The following RPS6KA5 variants were observed in gnomAD, a reference collection of about 807,000 sequenced individuals.
RPS6KA5 encodes the protein ribosomal protein S6 kinase alpha-5.
In RPS6KA5, 27 loss-of-function variants were observed where a neutral mutation model predicts 85.5. That is an observed-to-expected ratio of 0.32 (90% CI 0.23 to 0.44). The LOEUF is 0.44. RPS6KA5 is among the 20% of genes least tolerant of loss of function. The pLI, the probability that RPS6KA5 is intolerant of heterozygous loss-of-function variation, is 1.00. For missense variants in RPS6KA5, 811 were observed against 980.9 expected (o/e 0.83, Z 2.31); for synonymous variants, 334 against 348.2 (o/e 0.96, Z 0.46).
chr14:90,993,531 T>C (rs1000820745), intron 2 of RPS6KA5, among the ~76,000 whole-genome samples: 23 of 152,224 alleles, frequency 1.5e-4, no homozygotes, highest in Admixed American at 2.6e-4. Context: ...AAAACAGTTT[T>C]GCTGAGTATA....
At chr14:90,947,335 C>A in intron 4 of RPS6KA5, 100 bp downstream of exon 4, 2 of 684,932 alleles carry the variant, frequency 2.9e-6, no homozygotes, top group South Asian at 1.9e-5. Flanking sequence ...TCATAATCTC[C>A]ACTAAGACAA....
In RPS6KA5 at chr14:90,946,745, T is replaced by C. The variant is rs757079855; in HGVS notation, c.510+690A>G. Among the ~76,000 whole-genome samples the C allele has an allele frequency of 1.4e-4, 21 of 152,210 alleles. 1 individual carries two copies. The highest frequency in any genetic ancestry group is 9.2e-4 in the Admixed American group (14 of 15,276). Reference sequence around the variant, plus strand: ...AAAAACACAAGCCCAGTCTACATAATGACTGCTTCTACAATGTTTCCTCAT... The same window carrying C: ...AAAAACACAAGCCCAGTCTACATAACGACTGCTTCTACAATGTTTCCTCAT... On this transcript the variant is annotated intron_variant, in intron 4 of 16. Transcript: ENST00000614987.
rs1304755978 is a variant in RPS6KA5 at position 90,866,677 on chromosome 14, G to A, written c.*5397C>T. 1 of 152,074 alleles carries A rather than the reference G, an allele frequency of 6.6e-6. No individual in the cohort carries two copies. Among genetic ancestry groups the A allele is most frequent in the East Asian group, 1.9e-4 (1 of 5,196 alleles). 9.4% of individuals were successfully genotyped at this position (152,074 alleles called of 1,614,324 possible). On this transcript the variant is annotated 3_prime_UTR_variant, in exon 17 of 17. Transcript: ENST00000614987. ...CAAGAAGTTTAAATTCTACACATAAGGATACATACCATTTTTACCAGCTAT... is the reference window on the plus strand; with the variant it reads ...CAAGAAGTTTAAATTCTACACATAAAGATACATACCATTTTTACCAGCTAT...
Position 90,862,163 on chromosome 14 carries a change from C to T in RPS6KA5, c.*9911G>A, listed in dbSNP as rs371977491. 1.3e-5 allele frequency: 2 copies of T among 152,110 alleles called. No individual in the cohort carries two copies. The highest frequency in any genetic ancestry group is 4.8e-5 in the African/African-American group (2 of 41,412). The allele number at this position is 152,110 out of a possible 1,614,324, so 9.4% of individuals were successfully genotyped here. On this transcript the variant is annotated 3_prime_UTR_variant, in exon 17 of 17. Coordinates refer to ENST00000614987, the MANE Select transcript of RPS6KA5 (RefSeq NM_004755.4). ...GTAAAAGAAATTGTAAGATGGTAGA[C>T]TTAAAACCAATAATAATTACATTAA...
intron 4 of RPS6KA5, among the ~76,000 whole-genome samples, chr14:90,947,003 GC>G (rs957336497): frequency 2.6e-5 from 4 of 152,188 alleles, no homozygotes; most frequent in Admixed American, 6.5e-5. Flanking sequence ...AAGCCAGAGT[GC>G]GAGTGGGAAA....
intron 14 of RPS6KA5, among the ~76,000 whole-genome samples, chr14:90,881,665 T>G (rs1748302605): frequency 6.6e-6 from 1 of 151,978 alleles, no homozygotes; most frequent in Non-Finnish European, 1.5e-5. Flanking sequence ...CACGCCTGGA[T>G]AACTTTTGTA....
chr14:91,032,490 T>TA (rs1420483225), intron 1 of RPS6KA5, among the ~76,000 whole-genome samples: 18 of 152,196 alleles, frequency 1.2e-4, no homozygotes, highest in African/African-American at 4.3e-4. Flanking sequence ...CAAAGCACAC[T>TA]ATCTGCTAGA....
chr14:90,913,441 T>C (rs1048585317), intron 7 of RPS6KA5, among the ~76,000 whole-genome samples: 39 of 152,316 alleles, frequency 2.6e-4, no homozygotes, highest in African/African-American at 8.7e-4. Context: ...TATCTAAAAG[T>C]GATAGATATT....
At chr14:90,873,902 T>C (rs566152961) in intron 15 of RPS6KA5, 107 bp from the exon 16 acceptor site, 27 of 933,048 alleles carry the variant, frequency 2.9e-5, no homozygotes, top group African/African-American at 9.9e-5. Context: ...ATGGTTTCTA[T>C]ATAGCTTTAA....
In RPS6KA5 at chr14:90,853,834, T is replaced by C. The variant is rs1014745591; in HGVS notation, c.*18240A>G. On this transcript the variant is annotated 3_prime_UTR_variant, in exon 17 of 17. Transcript: ENST00000614987. Reference sequence around the variant, plus strand: ...TAGGAAATCAATGTGGTGTTACTAGTTTATGTGTATCCCATTATTCATTTA... The same window carrying C: ...TAGGAAATCAATGTGGTGTTACTAGCTTATGTGTATCCCATTATTCATTTA... The C allele has an allele frequency of 6.6e-6, 1 of 152,232 alleles. No individual in the cohort carries two copies. Among genetic ancestry groups the C allele is most frequent in the African/African-American group, 2.4e-5 (1 of 41,472 alleles). The allele number at this position is 152,232 out of a possible 1,614,324, so 9.4% of individuals were successfully genotyped here.
intron 1 of RPS6KA5, among the ~76,000 whole-genome samples, chr14:91,044,370 AAAG>A: frequency 2.1e-4 from 3 of 14,408 alleles, no homozygotes; most frequent in African/African-American, 7.2e-4. Context: ...AAAGAGAAAG[AAAG>A]AAGGAAAGAA....
At chr14:90,960,362 T>C (rs1446656503) in intron 3 of RPS6KA5, among the ~76,000 whole-genome samples, 1 of 152,086 alleles carries the variant, frequency 6.6e-6, no homozygotes, top group Admixed American at 6.5e-5. Context: ...ATCAGGGATA[T>C]CGTTAAATTT....
rs367544701 is a variant in RPS6KA5, at chr14:90,961,809, C to T, written c.395-14259G>A. ...AGTAGTGAACCCTGGGCTGTTTTCT[C>T]AAAAAAAGTACTGTACCTTGAATGG... On this transcript the variant is annotated intron_variant, in intron 3 of 16. Coordinates refer to ENST00000614987, the MANE Select transcript of RPS6KA5 (RefSeq NM_004755.4). Among the ~76,000 whole-genome samples the T allele has an allele frequency of 2.1e-4, 32 of 151,970 alleles. No individual in the cohort carries two copies. The East Asian group carries it at 3.5e-3, about 17-fold the overall frequency.
intron 2 of RPS6KA5, among the ~76,000 whole-genome samples, chr14:90,994,344 T>C (rs927043411): frequency 6.6e-6 from 1 of 152,140 alleles, no homozygotes; most frequent in African/African-American, 2.4e-5. Context: ...TGTTTTTTTT[T>C]CACTCCTAGA....
At chr14:90,902,666 A>G in intron 9 of RPS6KA5, 142 bp downstream of exon 9, 5 of 651,468 alleles carry the variant, frequency 7.7e-6, no homozygotes, top group Non-Finnish European at 1.2e-5. Context: ...ACAATGTGCA[A>G]TATTTCTGCA....
chr14:90,954,120 C>G (rs1309510028), intron 3 of RPS6KA5, among the ~76,000 whole-genome samples: 1 of 152,214 alleles, frequency 6.6e-6, no homozygotes, highest in Non-Finnish European at 1.5e-5. Flanking sequence ...TGTAAAATTC[C>G]TCTCTTTGTT....
intron 13 of RPS6KA5, among the ~76,000 whole-genome samples, chr14:90,891,210 G>C (rs1230420375): frequency 2.0e-5 from 3 of 151,182 alleles, no homozygotes; most frequent in African/African-American, 7.3e-5. Flanking sequence ...CACAGACATA[G>C]AGTAGGTGCT....
chr14:90,875,546 C>T (rs985686021), intron 14 of RPS6KA5, among the ~76,000 whole-genome samples, 186 bp from the exon 15 acceptor site: 4 of 152,030 alleles, frequency 2.6e-5, no homozygotes, highest in African/African-American at 4.8e-5. Flanking sequence ...GCCATCCCAT[C>T]ACTGGGTATA....
chr14:91,059,182 A>T (rs1311650882), intron 1 of RPS6KA5, among the ~76,000 whole-genome samples: 1 of 146,450 alleles, frequency 6.8e-6, no homozygotes, highest in Non-Finnish European at 1.5e-5. Context: ...CCCCACAAAA[A>T]ATACAAAATT....
Sources: gnomAD v4.1 joint callset for allele counts (sites outside exome capture counted in the v4.1 genomes callset) on GRCh38, gnomAD v4.1.1 for gene constraint, MANE v1.5 for transcripts, NCBI Gene and HGNC (gene_info 2026-07-23, HGNC 2026-07-21) for gene names.